Variants in NIBAN1 observed in about 807,000 individuals in gnomAD.
NIBAN1 encodes the protein niban apoptosis regulator 1, also known as protein Niban 1.
NIBAN1 carries 81 observed loss-of-function variants against 75.1 expected under a neutral mutation model. That is an observed-to-expected ratio of 1.08 (90% CI 0.90 to 1.30). The LOEUF is 1.30. Ranked by LOEUF, NIBAN1 falls within the 50% of genes most tolerant of loss-of-function variation. The pLI is 0.00. For synonymous variants in NIBAN1, 436 were observed against 424.8 expected (o/e 1.03, Z -0.32); for missense variants, 1,133 against 1,128.1 (o/e 1.00, Z -0.06).
intron 5 of NIBAN1, among the ~76,000 whole-genome samples, chr1:184,870,548 T>C (rs1571534393): frequency 6.6e-6 from 1 of 152,272 alleles, no homozygotes; most frequent in East Asian, 1.9e-4. Context: ...GGCAAATATA[T>C]AGCCCAAGAA....
intron 1 of NIBAN1, among the ~76,000 whole-genome samples, chr1:184,970,819 G>A (rs1011997643): frequency 2.6e-5 from 4 of 152,170 alleles, no homozygotes; most frequent in Non-Finnish European, 1.5e-5. Flanking sequence ...GACTTCTTAT[G>A]TGGGAGATCT....
chr1:184,950,687 T>A (rs766142779), intron 1 of NIBAN1, among the ~76,000 whole-genome samples: 1 of 152,226 alleles, frequency 6.6e-6, no homozygotes, highest in Non-Finnish European at 1.5e-5. Flanking sequence ...AAGCTGGTTT[T>A]CGATTAGGTT....
chr1:184,911,046 A>G (rs1441463463), intron 1 of NIBAN1, among the ~76,000 whole-genome samples: 1 of 150,990 alleles, frequency 6.6e-6, no homozygotes, highest in Non-Finnish European at 1.5e-5. Context: ...TGTGTGGGCC[A>G]ATTCTTTATA....
At chr1:184,907,121 A>C (rs1253296047) in intron 1 of NIBAN1, among the ~76,000 whole-genome samples, 1 of 152,222 alleles carries the variant, frequency 6.6e-6, no homozygotes, top group African/African-American at 2.4e-5. Context: ...ACTGTTTTTT[A>C]TACATTTTCT....
At chr1:184,797,358 T>A (rs974332352) in intron 13 of NIBAN1, among the ~76,000 whole-genome samples, 1 of 151,996 alleles carries the variant, frequency 6.6e-6, no homozygotes, top group Non-Finnish European at 1.5e-5. Flanking sequence ...GCCAGGCTGG[T>A]CTTGAACTCC....
Position 184,795,607 on chromosome 1 carries a change from G to C in NIBAN1, c.2157C>G (p.Ser719=), listed in dbSNP as rs762946240. 1.9e-6 allele frequency: 3 copies of C among 1,613,972 alleles called. No homozygotes were observed. Among genetic ancestry groups the C allele is most frequent in the Non-Finnish European group, 1.7e-6 (2 of 1,180,048 alleles). ...GAGCAGAGTCCACTGGTACTTCCAC[G>C]GACGCTGTCAGCAACTTTCTGAGCG... ...LKALRKLLTA[S]VEVPVDSAPV... Residue 719 remains serine, a synonymous_variant, in exon 14 of 14, where the codon TCC becomes TCG. Transcript: ENST00000367511.
chr1:184,881,953 A>C (rs987172130), intron 5 of NIBAN1, among the ~76,000 whole-genome samples: 2 of 152,188 alleles, frequency 1.3e-5, no homozygotes, highest in Non-Finnish European at 2.9e-5. Context: ...CTGGGAATGC[A>C]GCCCAGTAAG....
In NIBAN1 at chr1:184,860,384, C is replaced by CA. The variant is rs1386608621; in HGVS notation, c.601+24248dup. ...TTCAAAATATTATAAAATTAGCTTC[C>CA]AAAAATTGTATAATTGTGACTTAGA... On this transcript the variant is annotated intron_variant, in intron 5 of 13. Coordinates refer to ENST00000367511, the MANE Select transcript of NIBAN1 (RefSeq NM_052966.4). Among the ~76,000 whole-genome samples, 119 of 151,812 alleles carry CA rather than the reference C, an allele frequency of 7.8e-4. 7 individuals carry two copies. Among genetic ancestry groups the CA allele is most frequent in the Non-Finnish European group, 1.8e-4 (12 of 67,908 alleles).
chr1:184,808,007 T>C (rs749824763), intron 10 of NIBAN1, 67 bp downstream of exon 10: 4 of 1,574,470 alleles, frequency 2.5e-6, no homozygotes, highest in Admixed American at 3.3e-5. Context: ...CTGGTCTCAC[T>C]GGCCAGCACC....
intron 1 of NIBAN1, among the ~76,000 whole-genome samples, chr1:184,928,231 C>G (rs1657731334): frequency 6.6e-6 from 1 of 152,138 alleles, no homozygotes; most frequent in Admixed American, 6.5e-5. Flanking sequence ...AGGTGTGAGA[C>G]AAAGTCCTCT....
At chr1:184,805,091 A>G (rs1654158501) in intron 11 of NIBAN1, among the ~76,000 whole-genome samples, 1 of 152,170 alleles carries the variant, frequency 6.6e-6, no homozygotes, top group Non-Finnish European at 1.5e-5. Context: ...CCCGGCCCCA[A>G]TATTGTTTTT....
chr1:184,837,466 G>T (rs112722320), intron 5 of NIBAN1, among the ~76,000 whole-genome samples: 50 of 152,230 alleles, frequency 3.3e-4, no homozygotes, highest in Non-Finnish European at 6.8e-4. Context: ...TCACACAGCT[G>T]GTCAGTAGCA....
chr1:184,969,725 T>C (rs1658886614), intron 1 of NIBAN1, among the ~76,000 whole-genome samples: 1 of 149,948 alleles, frequency 6.7e-6, no homozygotes, highest in Non-Finnish European at 1.5e-5. Context: ...AGAGACAAGG[T>C]CTTGTCATGT....
At chr1:184,899,540 C>A (rs1204308453) in intron 1 of NIBAN1, among the ~76,000 whole-genome samples, 2 of 152,110 alleles carry the variant, frequency 1.3e-5, no homozygotes, top group Non-Finnish European at 2.9e-5. Context: ...TGGCATCATC[C>A]TGAGAGGCTT....
intron 5 of NIBAN1, among the ~76,000 whole-genome samples, chr1:184,866,904 AG>A (rs1453970457): frequency 1.3e-5 from 2 of 152,230 alleles, no homozygotes; most frequent in Non-Finnish European, 2.9e-5. Flanking sequence ...TATCTATGAA[AG>A]AAAGAGTGGA....
Position 184,793,085 on chromosome 1 carries a change from G to A in NIBAN1, c.*1892C>T, listed in dbSNP as rs138007089. On this transcript the variant is annotated 3_prime_UTR_variant, in exon 14 of 14. Coordinates refer to ENST00000367511, the MANE Select transcript of NIBAN1 (RefSeq NM_052966.4). ...TTAAATATGATATTATACATATACT[G>A]AGTATTATTCATGTTTATGACCTAG... 2.0e-5 allele frequency: 3 copies of A among 152,268 alleles called. No individual in the cohort carries two copies. In the East Asian group the frequency reaches 5.8e-4, roughly 29 times the overall value. 9.4% of individuals were successfully genotyped at this position (152,268 alleles called of 1,614,324 possible).
intron 1 of NIBAN1, among the ~76,000 whole-genome samples, chr1:184,943,156 C>T (rs561428389): frequency 2.6e-5 from 4 of 152,302 alleles, no homozygotes; most frequent in African/African-American, 9.6e-5. Context: ...GACCTCAAGT[C>T]AAGACACTTC....
At chr1:184,802,491 A>G (rs1287802087) in intron 12 of NIBAN1, among the ~76,000 whole-genome samples, 1 of 152,208 alleles carries the variant, frequency 6.6e-6, no homozygotes, top group Non-Finnish European at 1.5e-5. Context: ...ATGTAAGGCC[A>G]AAGGTCAATC....
intron 9 of NIBAN1, among the ~76,000 whole-genome samples, chr1:184,814,804 C>T (rs1469005474): frequency 6.6e-6 from 1 of 152,134 alleles, no homozygotes; most frequent in Non-Finnish European, 1.5e-5. Flanking sequence ...CTATGATAAA[C>T]CATTAGTTAT....
Sources: gnomAD v4.1 joint callset for allele counts (sites outside exome capture counted in the v4.1 genomes callset) on GRCh38, gnomAD v4.1.1 for gene constraint, MANE v1.5 for transcripts, NCBI Gene and HGNC (gene_info 2026-07-23, HGNC 2026-07-21) for gene names.